The following VWC2 variants were observed in gnomAD, a reference collection of about 807,000 sequenced individuals.
VWC2 encodes brorin.
Under a neutral mutation model 29.8 loss-of-function variants are expected in VWC2, and 14 were observed. The ratio of observed to expected loss-of-function variants is 0.47; its 90% CI spans 0.31 to 0.74. VWC2 has a LOEUF of 0.74. Among genes scored for constraint, VWC2 ranks in the 30% least tolerant of loss-of-function variants. The pLI is 0.05. For synonymous variants in VWC2, 213 were observed against 199.0 expected (o/e 1.07, Z -0.59); for missense variants, 457 against 459.8 (o/e 0.99, Z 0.05).
chr7:49,868,445 C>T lies in VWC2; in HGVS notation c.827-43589C>T, dbSNP rs116460238. Among the ~76,000 whole-genome samples, 1,142 of 152,246 alleles carry T rather than the reference C, an allele frequency of 7.5e-3. 23 individuals carry two copies. The highest frequency in any genetic ancestry group is 0.026 in the African/African-American group (1,083 of 41,548). ...CACATCTAATTCAGAGCCACCATGTCTACCTGGGGAGTATATGTACTGTAT... is the reference window on the plus strand; with the variant it reads ...CACATCTAATTCAGAGCCACCATGTTTACCTGGGGAGTATATGTACTGTAT... On this transcript the variant is annotated intron_variant, in intron 3 of 3. Transcript: ENST00000340652.
chr7:49,871,503 T>C (rs1791146142), intron 3 of VWC2, among the ~76,000 whole-genome samples: 1 of 152,008 alleles, frequency 6.6e-6, no homozygotes, highest in African/African-American at 2.4e-5. Context: ...TACAGATGAG[T>C]TGGCTTGGTG....
intron 2 of VWC2, among the ~76,000 whole-genome samples, chr7:49,777,660 C>A (rs1788081044): frequency 1.3e-5 from 2 of 152,192 alleles, no homozygotes; most frequent in South Asian, 4.1e-4. Flanking sequence ...TCATATGAAC[C>A]ACGCCCAGGC....
chr7:49,810,608 T>A (rs117828078), intron 3 of VWC2, among the ~76,000 whole-genome samples: 2 of 152,168 alleles, frequency 1.3e-5, no homozygotes, highest in African/African-American at 4.8e-5. Flanking sequence ...AAATTTGTAC[T>A]ATCCCACTTT....
At chr7:49,833,791 T>G (rs1181974314) in intron 3 of VWC2, among the ~76,000 whole-genome samples, 1 of 152,152 alleles carries the variant, frequency 6.6e-6, no homozygotes, top group African/African-American at 2.4e-5. Context: ...AGACAAGAGT[T>G]GACCCCAAGT....
At chr7:49,871,594 T>C (rs190487074) in intron 3 of VWC2, among the ~76,000 whole-genome samples, 18 of 151,668 alleles carry the variant, frequency 1.2e-4, no homozygotes, top group Middle Eastern at 3.4e-3. Context: ...ACAAGAAGCA[T>C]TGAGAAAAAC....
At chr7:49,788,133 G>C (rs1485372112) in intron 2 of VWC2, among the ~76,000 whole-genome samples, 2 of 152,184 alleles carry the variant, frequency 1.3e-5, no homozygotes, top group African/African-American at 4.8e-5. Flanking sequence ...GCCAGTGATG[G>C]GAACCCACAG....
At chr7:49,899,502 A>T (rs1792591171) in intron 3 of VWC2, among the ~76,000 whole-genome samples, 1 of 152,056 alleles carries the variant, frequency 6.6e-6, no homozygotes. Context: ...GTTAAGACTA[A>T]TCAAAATAAA....
Position 49,835,123 on chromosome 7 carries a change from T to G in VWC2, c.826+32283T>G, listed in dbSNP as rs959479534. Among the ~76,000 whole-genome samples, 28 of 152,192 alleles carry G rather than the reference T, an allele frequency of 1.8e-4. 1 individual carries two copies. Among genetic ancestry groups the G allele is most frequent in the Non-Finnish European group, 3.8e-4 (26 of 68,030 alleles). On this transcript the variant is annotated intron_variant, in intron 3 of 3. Coordinates refer to ENST00000340652, the MANE Select transcript of VWC2 (RefSeq NM_198570.5). ...TTTGCCTAGAATTCTCACTGGTTTA[T>G]AGCGGTAACATTGGTCAGTGATTGG...
At chr7:49,839,786 T>G (rs1384373570) in intron 3 of VWC2, among the ~76,000 whole-genome samples, 1 of 152,190 alleles carries the variant, frequency 6.6e-6, no homozygotes, top group Non-Finnish European at 1.5e-5. Flanking sequence ...ACGGGGCCTT[T>G]GACATGAACT....
chr7:49,805,818 G>A (rs1347188519), intron 3 of VWC2, among the ~76,000 whole-genome samples: 1 of 152,116 alleles, frequency 6.6e-6, no homozygotes, highest in South Asian at 2.1e-4. Flanking sequence ...CTTGATCTCC[G>A]TAGACCAGCC....
intron 3 of VWC2, among the ~76,000 whole-genome samples, chr7:49,909,507 T>C (rs1583816043): frequency 1.3e-5 from 2 of 151,842 alleles, no homozygotes; most frequent in Middle Eastern, 6.8e-3. Context: ...TGTGGTGGAG[T>C]GCAGAGAGGA....
intron 3 of VWC2, among the ~76,000 whole-genome samples, chr7:49,823,486 G>T (rs1007170862): frequency 6.6e-6 from 1 of 152,220 alleles, no homozygotes; most frequent in African/African-American, 2.4e-5. Context: ...GGCAAGCGGG[G>T]TGGGGTGAGC....
intron 3 of VWC2, among the ~76,000 whole-genome samples, chr7:49,863,296 C>T (rs755091878): frequency 6.6e-6 from 1 of 152,158 alleles, no homozygotes. Flanking sequence ...TTTCTGTGAG[C>T]TCCCACTTTC....
intron 1 of VWC2, among the ~76,000 whole-genome samples, chr7:49,774,669 G>A (rs1206950686): frequency 2.0e-5 from 3 of 152,308 alleles, no homozygotes; most frequent in Admixed American, 6.5e-5. Context: ...CAGAGGAGCT[G>A]AAGCCCCGGG....
intron 2 of VWC2, among the ~76,000 whole-genome samples, chr7:49,781,006 G>T (rs1274978326): frequency 6.6e-6 from 1 of 152,184 alleles, no homozygotes; most frequent in Non-Finnish European, 1.5e-5. Context: ...GAAAGCTACG[G>T]TTATTCACAC....
intron 2 of VWC2, among the ~76,000 whole-genome samples, chr7:49,786,004 C>T (rs757300809): frequency 6.6e-6 from 1 of 152,094 alleles, no homozygotes; most frequent in Non-Finnish European, 1.5e-5. Context: ...TTTGCCTTCC[C>T]CCAGAAGACT....
intron 2 of VWC2, among the ~76,000 whole-genome samples, chr7:49,782,597 C>T (rs1432968867): frequency 6.6e-6 from 1 of 150,950 alleles, no homozygotes. Flanking sequence ...GTAATCCCAG[C>T]ACTTTGGGAG....
chr7:49,891,874 G>T (rs937439063), intron 3 of VWC2, among the ~76,000 whole-genome samples: 1 of 151,226 alleles, frequency 6.6e-6, no homozygotes, highest in Non-Finnish European at 1.5e-5. Context: ...TTCTGCTATT[G>T]ATAGATACTT....
At chr7:49,804,973 A>G (rs548635070) in intron 3 of VWC2, among the ~76,000 whole-genome samples, 40 of 152,188 alleles carry the variant, frequency 2.6e-4, no homozygotes, top group Non-Finnish European at 3.5e-4. Flanking sequence ...TCCTTCTTAG[A>G]GCATACAGTC....
Sources: allele counts gnomAD v4.1 joint callset (sites outside exome capture counted in the v4.1 genomes callset), GRCh38; gene constraint gnomAD v4.1.1; transcripts MANE v1.5; gene names NCBI Gene and HGNC (gene_info 2026-07-23, HGNC 2026-07-21).